The following ATXN10 variants were observed in gnomAD, a reference collection of about 807,000 sequenced individuals.
ATXN10 encodes ataxin 10.
A neutral mutation model predicts 52.9 loss-of-function variants in ATXN10; 28 were observed. That is an observed-to-expected ratio of 0.53 (90% CI 0.39 to 0.73). ATXN10 has a LOEUF of 0.73. ATXN10 is among the 30% of genes least tolerant of loss of function. The probability of loss-of-function intolerance (pLI) is 0.00; values close to 1 mark genes in which losing one functional copy is unlikely to be tolerated. For missense variants in ATXN10, 565 were observed against 577.0 expected (o/e 0.98, Z 0.21); for synonymous variants, 226 against 221.5 (o/e 1.02, Z -0.18).
At chr22:45,800,788 C>T (rs1452243539) in intron 9 of ATXN10, among the ~76,000 whole-genome samples, 1 of 152,092 alleles carries the variant, frequency 6.6e-6, no homozygotes, top group African/African-American at 2.4e-5. Context: ...GGATGAATCT[C>T]GAAAACATTG....
At position 45,754,978 on chromosome 22, in the gene ATXN10, G is replaced by A. The variant is rs912024557; in HGVS notation, c.1173+14440G>A. Among the ~76,000 whole-genome samples the A allele has an allele frequency of 3.3e-5, 5 of 152,202 alleles. No homozygotes were observed. The highest frequency in any genetic ancestry group is 2.1e-4 in the South Asian group (1 of 4,832). On this transcript the variant is annotated intron_variant, in intron 9 of 11. Coordinates refer to ENST00000252934, the MANE Select transcript of ATXN10 (RefSeq NM_013236.4). This position sits in a 1 kb window ranked among gnomAD's most constrained non-coding sequence, Gnocchi z 5.4. ...TTCTCTGCCTGTGAGCTGCGAGACC[G>A]TCCCTCAACACACAGGACTGACTGG...
chr22:45,738,889 G>C lies in ATXN10; in HGVS notation c.1003+50G>C, dbSNP rs770886384. 2.1e-6 allele frequency: 3 copies of C among 1,429,580 alleles called. No individual in the cohort carries two copies. In the African/African-American group the frequency reaches 4.2e-5, roughly 20 times the overall value. The allele number at this position is 1,429,580 out of a possible 1,614,324, so 88.6% of individuals were successfully genotyped here. On this transcript the variant is annotated intron_variant, in intron 8 of 11. Coordinates refer to ENST00000252934, the MANE Select transcript of ATXN10 (RefSeq NM_013236.4). ...TTTTTAGCTAAGAAATCTTTGGCTT[G>C]TCATACTGTAATATAAATCCAAATA... is the stretch of plus-strand genomic sequence containing the variant.
chr22:45,746,237 T>G (rs1925720517), intron 9 of ATXN10, among the ~76,000 whole-genome samples: 1 of 151,262 alleles, frequency 6.6e-6, no homozygotes, highest in Non-Finnish European at 1.5e-5. Flanking sequence ...TTTAGTGGGT[T>G]TTTTGGTGGG....
intron 9 of ATXN10, among the ~76,000 whole-genome samples, chr22:45,755,447 G>C (rs1308854340): frequency 6.6e-6 from 1 of 152,150 alleles, no homozygotes; most frequent in Non-Finnish European, 1.5e-5. Flanking sequence ...GAGGTGTGAA[G>C]GTTCTCTGGC....
Position 45,784,175 on chromosome 22 carries a change from A to G in ATXN10, c.1174-22784A>G, listed in dbSNP as rs1569063187. 6.6e-6 allele frequency among the ~76,000 whole-genome samples: 1 copy of G among 152,184 alleles called. No homozygotes were observed. Among genetic ancestry groups the G allele is most frequent in the African/African-American group, 2.4e-5 (1 of 41,430 alleles). On this transcript the variant is annotated intron_variant, in intron 9 of 11. Transcript: ENST00000252934. This position sits in a 1 kb window ranked among gnomAD's most constrained non-coding sequence, Gnocchi z 4.2. ...AGTTACCTGCAATTTGTGTGGTACA[A>G]TTTTTAAAAAAAAATGTACATTTTT... is the stretch of plus-strand genomic sequence containing the variant.
intron 10 of ATXN10, among the ~76,000 whole-genome samples, chr22:45,808,440 TG>T (rs1308419369): frequency 1.3e-5 from 2 of 152,212 alleles, no homozygotes; most frequent in African/African-American, 4.8e-5. Flanking sequence ...AAAAGACTGT[TG>T]TACACGAGCA....
chr22:45,773,485 G>T (rs1440286402), intron 9 of ATXN10, among the ~76,000 whole-genome samples: 1 of 148,578 alleles, frequency 6.7e-6, no homozygotes, highest in Admixed American at 6.7e-5. Flanking sequence ...TGAGATAGGT[G>T]TCTCGCTCTG....
At chr22:45,686,560 ATGTAATCCCAACACTC>A (rs766088824) in intron 1 of ATXN10, among the ~76,000 whole-genome samples, 42 of 152,164 alleles carry the variant, frequency 2.8e-4, no homozygotes, top group Non-Finnish European at 5.4e-4. Flanking sequence ...TGGCTCACGC[ATGTAATCCCAACACTC>A]TGGGAGGCCG....
chr22:45,772,043 AGCAGTGTGTTTG>A lies in ATXN10; in HGVS notation c.1173+31510_1173+31521del, dbSNP rs1185669166. ...CAGTAGCCCACATTTTCATTCTCTTAGCAGTGTGTTTGGCAGAGCAAGAGTTAAAATTTTTGA... is the reference window on the plus strand; with the variant it reads ...CAGTAGCCCACATTTTCATTCTCTTAGCAGAGCAAGAGTTAAAATTTTTGA... On this transcript the variant is annotated intron_variant, in intron 9 of 11. Transcript: ENST00000252934. This position sits in a 1 kb window ranked among gnomAD's most constrained non-coding sequence, Gnocchi z 4.1. Among the ~76,000 whole-genome samples the A allele has an allele frequency of 6.6e-6, 1 of 152,236 alleles. No individual in the cohort carries two copies. Among genetic ancestry groups the A allele is most frequent in the Non-Finnish European group, 1.5e-5 (1 of 68,042 alleles).
intron 9 of ATXN10, among the ~76,000 whole-genome samples, chr22:45,777,430 A>C (rs755545513): frequency 2.0e-4 from 30 of 152,246 alleles, no homozygotes; most frequent in Admixed American, 1.6e-3. Context: ...TAATATATAA[A>C]ATGCATTTCT....
rs1243186675 is a variant in ATXN10 at position 45,677,863 on chromosome 22, G to C, written c.116+5684G>C. On this transcript the variant is annotated intron_variant, in intron 1 of 11. Coordinates refer to ENST00000252934, the MANE Select transcript of ATXN10 (RefSeq NM_013236.4). This position sits in a 1 kb window ranked among gnomAD's most constrained non-coding sequence, Gnocchi z 4.1. ...TGGGAACCCTTGTGTGTTGCTAGTG[G>C]ACATGTAAAGTGGTGCTGCTACTAT... 1.3e-5 allele frequency: 2 copies of C among 152,206 alleles called. No homozygotes were observed. The highest frequency in any genetic ancestry group is 4.8e-5 in the African/African-American group (2 of 41,448). 9.4% of individuals were successfully genotyped at this position (152,206 alleles called of 1,614,324 possible). A position where few individuals can be genotyped will look rare whatever the true frequency, so the allele number is the denominator to read the frequency against.
In ATXN10 at chr22:45,763,350, G is replaced by C. The variant is rs914874834; in HGVS notation, c.1173+22812G>C. On this transcript the variant is annotated intron_variant, in intron 9 of 11. Coordinates refer to ENST00000252934, the MANE Select transcript of ATXN10 (RefSeq NM_013236.4). The surrounding 1 kb of genome is among the most constrained non-coding windows in gnomAD (Gnocchi z 6.9). ...TCCTCAGAGATGAGGCTGAGTGGGA[G>C]TGAAGGTTTCGTCAAGGTTACGAAA... Among the ~76,000 whole-genome samples, 1 of 152,186 alleles carries C rather than the reference G, an allele frequency of 6.6e-6. No individual in the cohort carries two copies. Among genetic ancestry groups the C allele is most frequent in the Non-Finnish European group, 1.5e-5 (1 of 68,036 alleles).
intron 9 of ATXN10, among the ~76,000 whole-genome samples, chr22:45,800,757 CAAT>C (rs1212254398): frequency 6.6e-6 from 1 of 152,172 alleles, no homozygotes; most frequent in Non-Finnish European, 1.5e-5. Context: ...AAACAAAAAT[CAAT>C]GATACATGTA....
intron 5 of ATXN10, among the ~76,000 whole-genome samples, chr22:45,713,896 T>C (rs1416262971): frequency 6.6e-6 from 1 of 152,228 alleles, no homozygotes; most frequent in Non-Finnish European, 1.5e-5. Context: ...CTCTTCTCTA[T>C]GGGCATTCTG....
intron 10 of ATXN10, among the ~76,000 whole-genome samples, chr22:45,839,580 C>G (rs1929277094): frequency 6.6e-6 from 1 of 152,188 alleles, no homozygotes; most frequent in African/African-American, 2.4e-5. Context: ...TGTAAGTTTG[C>G]ATTCTACAGA....
intron 9 of ATXN10, among the ~76,000 whole-genome samples, chr22:45,773,868 A>G (rs1601637529): frequency 1.3e-5 from 2 of 150,946 alleles, no homozygotes; most frequent in African/African-American, 4.8e-5. Flanking sequence ...GTTTGTTTTA[A>G]AAGACTCAAC....
In ATXN10 at chr22:45,826,073, A is replaced by G. The variant is rs1259485776; in HGVS notation, c.1238-16918A>G. 6.6e-6 allele frequency among the ~76,000 whole-genome samples: 1 copy of G among 152,208 alleles called. No homozygotes were observed. Among genetic ancestry groups the G allele is most frequent in the East Asian group, 1.9e-4 (1 of 5,198 alleles). On this transcript the variant is annotated intron_variant, in intron 10 of 11. Coordinates refer to ENST00000252934, the MANE Select transcript of ATXN10 (RefSeq NM_013236.4). This position sits in a 1 kb window ranked among gnomAD's most constrained non-coding sequence, Gnocchi z 5.0. Reference sequence around the variant, plus strand: ...CCAGGCCCTGTCTCTAAATCAAAACAAAACAAAAAGCCCAATATGGACAAA... The same window carrying G: ...CCAGGCCCTGTCTCTAAATCAAAACGAAACAAAAAGCCCAATATGGACAAA...
rs376966297 is a variant in ATXN10, at chr22:45,719,710, A to G, written c.728+1217A>G. 1.6e-4 allele frequency among the ~76,000 whole-genome samples: 25 copies of G among 152,300 alleles called. No homozygotes were observed. The East Asian group carries it at 3.9e-3, about 23-fold the overall frequency. Reference sequence around the variant, plus strand: ...ACTACATGGTGATGGTAGACTAAAAATGTTTTATTTTTATTGATAAAGTTG... The same window carrying G: ...ACTACATGGTGATGGTAGACTAAAAGTGTTTTATTTTTATTGATAAAGTTG... On this transcript the variant is annotated intron_variant, in intron 6 of 11. Transcript: ENST00000252934.
rs1928476291 is a variant in ATXN10 at position 45,816,770 on chromosome 22, C to G, written c.1237+9748C>G. ...TCTGGCTTGCAGAACCTCGTGGAGT[C>G]TTTATTAGTCACATGTGCATTTTGG... On this transcript the variant is annotated intron_variant, in intron 10 of 11. Transcript: ENST00000252934. The surrounding 1 kb of genome is among the most constrained non-coding windows in gnomAD (Gnocchi z 5.8). 6.6e-6 allele frequency among the ~76,000 whole-genome samples: 1 copy of G among 152,082 alleles called. No individual in the cohort carries two copies. Among genetic ancestry groups the G allele is most frequent in the Admixed American group, 6.5e-5 (1 of 15,276 alleles).
Sources: gnomAD v4.1 joint callset for allele counts (sites outside exome capture counted in the v4.1 genomes callset) on GRCh38, gnomAD v4.1.1 for gene constraint, Gnocchi (gnomAD v3.1) non-coding constraint, MANE v1.5 for transcripts, NCBI Gene and HGNC (gene_info 2026-07-23, HGNC 2026-07-21) for gene names.